Variants in NCOA3 observed in about 807,000 individuals in gnomAD.
The protein encoded by NCOA3 is nuclear receptor coactivator 3.
Under a neutral mutation model 158.8 loss-of-function variants are expected in NCOA3, and 51 were observed. The observed-to-expected ratio is 0.32, with a 90% CI of 0.26 to 0.41. The LOEUF is 0.41. Among genes scored for constraint, NCOA3 ranks in the 10% least tolerant of loss-of-function variants. NCOA3 has a pLI of 1.00. For missense variants in NCOA3, 1,510 were observed against 1,746.6 expected (o/e 0.86, Z 2.41); for synonymous variants, 537 against 592.4 (o/e 0.91, Z 1.36).
intron 17 of NCOA3, among the ~76,000 whole-genome samples, chr20:47,643,549 C>G (rs2086643639): frequency 6.6e-6 from 1 of 152,102 alleles, no homozygotes; most frequent in South Asian, 2.1e-4. Context: ...TCCTGTAGTT[C>G]TCTCTGTTTT....
intron 13 of NCOA3, among the ~76,000 whole-genome samples, 176 bp from the exon 14 acceptor site, chr20:47,638,832 C>CG (rs1038319716): frequency 1.1e-4 from 2 of 18,510 alleles, no homozygotes; most frequent in African/African-American, 2.2e-4. Context: ...GGCAGGGGGG[C>CG]GGGGGGTGGC....
At chr20:47,522,372 C>T (rs898524940) in intron 1 of NCOA3, among the ~76,000 whole-genome samples, 3 of 149,366 alleles carry the variant, frequency 2.0e-5, no homozygotes, top group African/African-American at 7.4e-5. Flanking sequence ...GCTGGGAGTG[C>T]TGGGATTACA....
intron 1 of NCOA3, among the ~76,000 whole-genome samples, chr20:47,549,980 C>T (rs2084903451): frequency 6.6e-6 from 1 of 151,994 alleles, no homozygotes. Context: ...GCTGGGATTA[C>T]AGGCGTGAGC....
At chr20:47,544,312 A>G (rs1435146386) in intron 1 of NCOA3, among the ~76,000 whole-genome samples, 2 of 116,802 alleles carry the variant, frequency 1.7e-5, no homozygotes, top group African/African-American at 6.5e-5. Flanking sequence ...TTTATTTAAT[A>G]CTACTTTTTT....
At chr20:47,642,949 C>T (rs963042065) in intron 17 of NCOA3, among the ~76,000 whole-genome samples, 5 of 152,352 alleles carry the variant, frequency 3.3e-5, no homozygotes, top group Middle Eastern at 6.8e-3. Context: ...CTCGCTCTGT[C>T]AACCAGGCTG....
intron 1 of NCOA3, among the ~76,000 whole-genome samples, chr20:47,569,152 G>A (rs1007879771): frequency 1.3e-5 from 2 of 151,986 alleles, no homozygotes; most frequent in African/African-American, 4.8e-5. Flanking sequence ...TTGAGACCAA[G>A]CTGGGCAACA....
intron 1 of NCOA3, among the ~76,000 whole-genome samples, chr20:47,538,302 C>T (rs1362750762): frequency 6.6e-6 from 1 of 152,124 alleles, no homozygotes; most frequent in Admixed American, 6.6e-5. Context: ...TAGTAATTCA[C>T]GATGTGGTTT....
chr20:47,620,931 T>G (rs1274737445), intron 2 of NCOA3, among the ~76,000 whole-genome samples: 2 of 152,210 alleles, frequency 1.3e-5, no homozygotes, highest in Non-Finnish European at 2.9e-5. Context: ...TTCTTTGTCT[T>G]TTGTGACATT....
chr20:47,509,055 T>C (rs1291336442), intron 1 of NCOA3, among the ~76,000 whole-genome samples: 1 of 152,198 alleles, frequency 6.6e-6, no homozygotes, highest in Non-Finnish European at 1.5e-5. Flanking sequence ...TTAAGCTCTT[T>C]ATACCAGATA....
intron 1 of NCOA3, among the ~76,000 whole-genome samples, chr20:47,578,220 C>T (rs2085401007): frequency 6.6e-6 from 1 of 152,136 alleles, no homozygotes; most frequent in African/African-American, 2.4e-5. Flanking sequence ...GAGTCTTGCT[C>T]TGTTGCCCAG....
chr20:47,641,799 CT>C (rs2086616631), intron 16 of NCOA3, among the ~76,000 whole-genome samples: 1 of 151,976 alleles, frequency 6.6e-6, no homozygotes. Flanking sequence ...CTGGCCATAG[CT>C]CAACATTTGT....
intron 1 of NCOA3, among the ~76,000 whole-genome samples, chr20:47,565,265 G>C (rs966805214): frequency 6.6e-6 from 1 of 152,196 alleles, no homozygotes; most frequent in African/African-American, 2.4e-5. Context: ...ACAGGCATGA[G>C]CCACGGTGCC....
At chr20:47,579,879 A>G (rs377276973) in intron 1 of NCOA3, among the ~76,000 whole-genome samples, 3 of 152,304 alleles carry the variant, frequency 2.0e-5, no homozygotes, top group African/African-American at 7.2e-5. Context: ...GTTTGGGTGC[A>G]GGTTTTATAT....
intron 1 of NCOA3, among the ~76,000 whole-genome samples, chr20:47,508,536 G>A (rs2084064440): frequency 6.6e-6 from 1 of 152,086 alleles, no homozygotes; most frequent in East Asian, 1.9e-4. Flanking sequence ...GGAAGAAAGG[G>A]TTTTAACAAA....
chr20:47,565,288 T>C lies in NCOA3; in HGVS notation c.-98-17895T>C, dbSNP rs557909230. Among the ~76,000 whole-genome samples the C allele has an allele frequency of 9.9e-5, 15 of 152,226 alleles. No individual in the cohort carries two copies. The South Asian group carries it at 2.7e-3, about 27-fold the overall frequency. The stretch of plus-strand genomic sequence containing the variant: ...GAGCCACGGTGCCTGGCCCCAGATG[T>C]CTCTCTTAATGAGTGGCTGAGCTGT... On this transcript the variant is annotated intron_variant, in intron 1 of 22. Transcript: ENST00000371998.
At chr20:47,629,952 T>C (rs1345605145) in intron 8 of NCOA3, among the ~76,000 whole-genome samples, 2 of 152,220 alleles carry the variant, frequency 1.3e-5, no homozygotes, top group South Asian at 2.1e-4. Flanking sequence ...AGAAAAAAAT[T>C]GCCAAGCAAG....
chr20:47,600,832 A>AG (rs1568716467), intron 2 of NCOA3, among the ~76,000 whole-genome samples: 2 of 151,890 alleles, frequency 1.3e-5, no homozygotes, highest in East Asian at 3.9e-4. Context: ...AAAAAAAAAA[A>AG]AGATAGAATT....
At chr20:47,583,428 G>T (rs142431771) in intron 2 of NCOA3, among the ~76,000 whole-genome samples, 167 bp downstream of exon 2, 10 of 152,070 alleles carry the variant, frequency 6.6e-5, no homozygotes, top group South Asian at 2.1e-4. Flanking sequence ...GAGTGAATAC[G>T]TATGTGTATG....
At chr20:47,519,239 A>G (rs1306311662) in intron 1 of NCOA3, among the ~76,000 whole-genome samples, 1 of 152,010 alleles carries the variant, frequency 6.6e-6, no homozygotes, top group African/African-American at 2.4e-5. Context: ...GATCAAGACC[A>G]CCCTGGCTAA....
Sources: allele counts gnomAD v4.1 joint callset (sites outside exome capture counted in the v4.1 genomes callset), GRCh38; gene constraint gnomAD v4.1.1; transcripts MANE v1.5; gene names NCBI Gene and HGNC (gene_info 2026-07-23, HGNC 2026-07-21).